Variants in PDCD7 observed in about 807,000 individuals in gnomAD.
PDCD7 encodes the protein programmed cell death protein 7.
PDCD7 carries 40 observed loss-of-function variants against 42.1 expected under a neutral mutation model. That is an observed-to-expected ratio of 0.95 (90% CI 0.74 to 1.24). The LOEUF (loss-of-function observed/expected upper bound fraction) is 1.24. PDCD7 is among the 50% of genes most tolerant of loss of function. The pLI is 0.00. For missense variants in PDCD7, 644 were observed against 662.8 expected, an observed-to-expected ratio of 0.97 and a Z score of 0.31; for synonymous variants, 299 against 303.3, an observed-to-expected ratio of 0.99 and a Z score of 0.15.
intron 2 of PDCD7, among the ~76,000 whole-genome samples, chr15:65,124,222 G>A (rs1280309169): frequency 6.6e-6 from 1 of 152,026 alleles, no homozygotes; most frequent in African/African-American, 2.4e-5. Context: ...AGGAGTTTGA[G>A]ACCAGCCTGA....
chr15:65,130,294 T>TTACA (rs1263922855), intron 1 of PDCD7, among the ~76,000 whole-genome samples: 1 of 151,386 alleles, frequency 6.6e-6, no homozygotes, highest in Non-Finnish European at 1.5e-5. Context: ...TTAGCTGGGT[T>TTACA]TACAGGCTCC....
chr15:65,119,267 TGGAACTTAAAA>T (rs1455058850), intron 4 of PDCD7, 98 bp downstream of exon 4: 72 of 676,260 alleles, frequency 1.1e-4, no homozygotes, highest in Middle Eastern at 7.5e-4. Context: ...AAGTTCCTTA[TGGAACTTAAAA>T]AAAAAAAGAC....
At chr15:65,121,392 G>C (rs892853765) in intron 2 of PDCD7, among the ~76,000 whole-genome samples, 1 of 152,240 alleles carries the variant, frequency 6.6e-6, no homozygotes, top group South Asian at 2.1e-4. Context: ...TCCTCCACTT[G>C]AAACAGTGAG....
chr15:65,120,708 CA>C (rs935898421), intron 2 of PDCD7, among the ~76,000 whole-genome samples: 4 of 149,470 alleles, frequency 2.7e-5, no homozygotes, highest in Non-Finnish European at 4.5e-5. Flanking sequence ...ACTCCGTCTC[CA>C]AAAAAAAAGA....
chr15:65,125,032 C>T (rs1216928903), intron 2 of PDCD7, among the ~76,000 whole-genome samples: 1 of 152,232 alleles, frequency 6.6e-6, no homozygotes, highest in Non-Finnish European at 1.5e-5. Flanking sequence ...TAAAGCCCCA[C>T]TTGTCTACTG....
rs2087518705 is a variant in PDCD7, at chr15:65,129,080, C to T, written c.961G>A (p.Ala321Thr). ...CTCAGTTTCCTCAATTTCTCCAAAG[C>T]CCGTAGAATGTCCACCATTCTTTTG... ...DTKRMVDILR[A>T]LEKLRKLRKE... is the part of the protein sequence containing the mutation. Residue 321 changes from alanine (A) to threonine (T), a missense_variant, in exon 2 of 5, where the codon GCT becomes ACT. Transcript: ENST00000204549. The T allele has an allele frequency of 6.2e-7, 1 of 1,613,948 alleles. No homozygotes were observed. The highest frequency in any genetic ancestry group is 1.3e-5 in the African/African-American group (1 of 74,912).
chr15:65,133,191 C>A lies in PDCD7; in HGVS notation c.591G>T (p.Glu197Asp), dbSNP rs1340612940. The change falls in exon 1 of 5, where the codon GAG (glutamate) becomes GAT (aspartate). Residue 197 changes from glutamate (E) to aspartate (D), a missense_variant. Glu to Asp is a conservative substitution (Grantham distance 45). Transcript: ENST00000204549. ...RLRGLSQALREAEADGAAWVL... is the reference protein window; with the variant it reads ...RLRGLSQALRDAEADGAAWVL... ...CCCAGGCCGCGCCGTCGGCTTCGGC[C>A]TCGCGCAGGGCCTGGCTCAGGCCGC... 9.0e-6 allele frequency: 13 copies of A among 1,442,476 alleles called. No individual in the cohort carries two copies. The highest frequency in any genetic ancestry group is 1.2e-5 in the Non-Finnish European group (13 of 1,108,956). The allele number at this position is 1,442,476 out of a possible 1,614,324, so 89.4% of individuals were successfully genotyped here. A position where few individuals can be genotyped will look rare whatever the true frequency, so the allele number is the denominator to read the frequency against.
Position 65,118,830 on chromosome 15 carries a change from C to T in PDCD7, c.1345G>A (p.Asp449Asn). 4 of 1,587,102 alleles carry T rather than the reference C, an allele frequency of 2.5e-6. No homozygotes were observed. The highest frequency in any genetic ancestry group is 3.4e-6 in the Non-Finnish European group (4 of 1,168,088). Residue 449 changes from aspartate to asparagine, a missense_variant, in exon 5 of 5, where the codon GAT becomes AAT. Transcript: ENST00000204549. ...TGATCGGATGGCACCAGGTACTGAT[C>T]CCAATCATGCCTTAATAAGAACATT... ...PALIQIRHDWDQYLVPSDHPK... is the reference protein window; with the variant it reads ...PALIQIRHDWNQYLVPSDHPK...
intron 1 of PDCD7, among the ~76,000 whole-genome samples, chr15:65,132,641 G>A (rs147615543): frequency 1.2e-4 from 19 of 152,334 alleles, no homozygotes; most frequent in Admixed American, 7.8e-4. Flanking sequence ...CAATGTTGGA[G>A]CAGGATAGGG....
intron 2 of PDCD7, among the ~76,000 whole-genome samples, chr15:65,124,108 T>C (rs900234109): frequency 6.6e-6 from 1 of 152,048 alleles, no homozygotes; most frequent in Non-Finnish European, 1.5e-5. Flanking sequence ...CCCTGGTCAA[T>C]GTAACATATT....
At position 65,133,428 on chromosome 15, in the gene PDCD7, C is replaced by G; in HGVS notation, c.354G>C (p.Trp118Cys). The G allele has an allele frequency of 8.4e-7, 1 of 1,184,176 alleles. No individual in the cohort carries two copies. 73.4% of individuals were successfully genotyped at this position (1,184,176 alleles called of 1,614,324 possible). A position where few individuals can be genotyped will look rare whatever the true frequency, so the allele number is the denominator to read the frequency against. Residue 118 changes from tryptophan to cysteine, a missense_variant, in exon 1 of 5, where the codon TGG becomes TGC. Physicochemically the swap from Trp to Cys is radical, Grantham distance 215. Transcript: ENST00000204549. ...GCGGCGCCTCAGGCCACCGCGGGCTCCAGGGCGGCCCCGGGCCGGGAGGCG... is the reference window on the plus strand; with the variant it reads ...GCGGCGCCTCAGGCCACCGCGGGCTGCAGGGCGGCCCCGGGCCGGGAGGCG... ...RPPPPGPGPPWSPRWPEAPPP... is the reference protein window; with the variant it reads ...RPPPPGPGPPCSPRWPEAPPP...
At chr15:65,123,947 T>C (rs1023894617) in intron 2 of PDCD7, among the ~76,000 whole-genome samples, 2 of 152,236 alleles carry the variant, frequency 1.3e-5, no homozygotes. Flanking sequence ...TTGTAAGCCA[T>C]ACAGTCTCTG....
At chr15:65,126,388 CA>C (rs778885863) in intron 2 of PDCD7, among the ~76,000 whole-genome samples, 1 of 152,160 alleles carries the variant, frequency 6.6e-6, no homozygotes, top group Non-Finnish European at 1.5e-5. Flanking sequence ...ACACACACCT[CA>C]AACTCGACAG....
intron 2 of PDCD7, among the ~76,000 whole-genome samples, chr15:65,122,776 G>A (rs1039769025): frequency 6.6e-6 from 1 of 152,100 alleles, no homozygotes; most frequent in African/African-American, 2.4e-5. Context: ...GGCTGAGACG[G>A]GTGGATCACG....
intron 2 of PDCD7, among the ~76,000 whole-genome samples, chr15:65,121,797 TTGA>T (rs1054025485): frequency 2.6e-5 from 4 of 152,194 alleles, no homozygotes; most frequent in Non-Finnish European, 5.9e-5. Context: ...GGTATCATAG[TTGA>T]TGATGAGTGT....
At chr15:65,132,124 G>GTATATATATATA (rs10570029) in intron 1 of PDCD7, among the ~76,000 whole-genome samples, 9 of 140,956 alleles carry the variant, frequency 6.4e-5, no homozygotes, top group African/African-American at 1.8e-4. Context: ...GTATGTATGT[G>GTATATATATATA]TATATATATA....
intron 1 of PDCD7, among the ~76,000 whole-genome samples, chr15:65,131,925 C>CA (rs1163430543): frequency 1.3e-5 from 2 of 151,942 alleles, no homozygotes; most frequent in Non-Finnish European, 2.9e-5. Context: ...CCTCTCTATG[C>CA]AACTTCCTAA....
intron 1 of PDCD7, among the ~76,000 whole-genome samples, chr15:65,130,184 G>A (rs1216584448): frequency 2.2e-5 from 3 of 137,644 alleles, no homozygotes; most frequent in African/African-American, 8.2e-5. Flanking sequence ...TTTTGAGATG[G>A]AGTCTCGCTG....
At chr15:65,126,909 C>A (rs1238595978) in intron 2 of PDCD7, among the ~76,000 whole-genome samples, 3 of 152,034 alleles carry the variant, frequency 2.0e-5, no homozygotes, top group Non-Finnish European at 4.4e-5. Context: ...TACACATATA[C>A]CTTTATTCAT....
Sources: allele counts gnomAD v4.1 joint callset (sites outside exome capture counted in the v4.1 genomes callset), GRCh38; gene constraint gnomAD v4.1.1; transcripts MANE v1.5; gene names NCBI Gene and HGNC (gene_info 2026-07-23, HGNC 2026-07-21).